Variants in TRIM63 observed in about 807,000 individuals in gnomAD.
TRIM63 encodes the protein tripartite motif containing 63, also known as E3 ubiquitin-protein ligase TRIM63.
TRIM63 carries 48 observed loss-of-function variants against 46.0 expected under a neutral mutation model. The observed-to-expected ratio is 1.04, with a 90% CI of 0.83 to 1.33. The LOEUF (loss-of-function observed/expected upper bound fraction) is 1.33, where lower values mean the gene tolerates loss of function less well. Ranked by LOEUF, TRIM63 falls within the 40% of genes most tolerant of loss-of-function variation. TRIM63 has a pLI of 0.00. For missense variants in TRIM63, 455 were observed against 441.2 expected (o/e 1.03, Z -0.28); for synonymous variants, 175 against 162.8 (o/e 1.08, Z -0.57).
intron 8 of TRIM63, 47 bp downstream of exon 8, chr1:26,053,846 T>C: frequency 7.1e-7 from 1 of 1,414,782 alleles, no homozygotes; most frequent in African/African-American, 1.4e-5. Context: ...CAGATTGTTG[T>C]GGAATGAATG....
chr1:26,057,965 A>C (rs1193648761), intron 5 of TRIM63, among the ~76,000 whole-genome samples: 1 of 152,180 alleles, frequency 6.6e-6, no homozygotes, highest in Non-Finnish European at 1.5e-5. Context: ...TCTAGCAAAA[A>C]GCCTGGCCCA....
At chr1:26,060,205 C>T (rs755111376) in intron 4 of TRIM63, 61 bp downstream of exon 4, 135 of 1,509,848 alleles carry the variant, frequency 8.9e-5, no homozygotes, top group Non-Finnish European at 1.1e-4. Context: ...GAGCCTTCCC[C>T]AGAGACCAGG....
chr1:26,056,678 C>T (rs12096733), intron 7 of TRIM63, among the ~76,000 whole-genome samples: 4,274 of 152,150 alleles, frequency 0.028, 164 homozygotes, highest in East Asian at 0.12. Context: ...GCCATGGATC[C>T]ATATGTAATT....
chr1:26,053,886 T>G lies in TRIM63; in HGVS notation c.1051+7A>C. 3 of 1,586,344 alleles carry G rather than the reference T, an allele frequency of 1.9e-6. No individual in the cohort carries two copies. Among genetic ancestry groups the G allele is most frequent in the Non-Finnish European group, 2.6e-6 (3 of 1,165,592 alleles). On this transcript the variant is annotated splice_region_variant and intron_variant, in intron 8 of 8. Coordinates refer to ENST00000374272, the MANE Select transcript of TRIM63 (RefSeq NM_032588.4). Reference sequence around the variant, plus strand: ...AACGAAGGAATGGAGGTAGATGAATTTCTTACCTTCTTCCTTCCCTTCTGT... The same window carrying G: ...AACGAAGGAATGGAGGTAGATGAATGTCTTACCTTCTTCCTTCCCTTCTGT...
intron 7 of TRIM63, among the ~76,000 whole-genome samples, chr1:26,055,869 A>G (rs892421957): frequency 1.3e-5 from 2 of 152,122 alleles, no homozygotes; most frequent in African/African-American, 4.8e-5. Flanking sequence ...TCACTACAGC[A>G]GTGGATGTCC....
chr1:26,055,471 G>A (rs2050562283), intron 7 of TRIM63, among the ~76,000 whole-genome samples: 1 of 151,126 alleles, frequency 6.6e-6, no homozygotes, highest in African/African-American at 2.4e-5. Context: ...ACAATGTTAT[G>A]TTCACACCGT....
intron 2 of TRIM63, among the ~76,000 whole-genome samples, chr1:26,064,759 G>T (rs1047766967): frequency 6.6e-6 from 1 of 152,156 alleles, no homozygotes. Context: ...AGCTCTAAAG[G>T]CTTACCCAGC....
intron 2 of TRIM63, 63 bp from the exon 3 acceptor site, chr1:26,061,397 C>T: frequency 1.2e-5 from 19 of 1,560,512 alleles, no homozygotes; most frequent in Non-Finnish European, 1.7e-5. Context: ...CTCCCCAGCT[C>T]CAATGCACCA....
intron 4 of TRIM63, among the ~76,000 whole-genome samples, chr1:26,059,292 G>C (rs1275427888): frequency 6.6e-6 from 1 of 152,136 alleles, no homozygotes; most frequent in Non-Finnish European, 1.5e-5. Context: ...AAAGTGCTGG[G>C]ATTATAGGCA....
Position 26,053,134 on chromosome 1 carries a change from C to T in TRIM63, c.1051+759G>A, listed in dbSNP as rs1311147263. On this transcript the variant is annotated intron_variant, in intron 8 of 8. Coordinates refer to ENST00000374272, the MANE Select transcript of TRIM63 (RefSeq NM_032588.4). ...AATTTTTAAATTATTTTTGTAAAGA[C>T]GAGGACTTGCTGTTGACCAGGCTGG... Among the ~76,000 whole-genome samples, 3 of 151,892 alleles carry T rather than the reference C, an allele frequency of 2.0e-5. No individual in the cohort carries two copies. In the East Asian group the frequency reaches 5.8e-4, roughly 29 times the overall value.
Position 26,053,879 on chromosome 1 carries a change from G to A in TRIM63, c.1051+14C>T. 6.3e-7 allele frequency: 1 copy of A among 1,578,870 alleles called. No individual in the cohort carries two copies. Among genetic ancestry groups the A allele is most frequent in the Non-Finnish European group, 8.6e-7 (1 of 1,156,828 alleles). ...ATGAAGGAACGAAGGAATGGAGGTAGATGAATTTCTTACCTTCTTCCTTCC... is the reference window on the plus strand; with the variant it reads ...ATGAAGGAACGAAGGAATGGAGGTAAATGAATTTCTTACCTTCTTCCTTCC... On this transcript the variant is annotated intron_variant, in intron 8 of 8. Coordinates refer to ENST00000374272, the MANE Select transcript of TRIM63 (RefSeq NM_032588.4).
At position 26,061,291 on chromosome 1, in the gene TRIM63, C is replaced by G; in HGVS notation, c.376G>C (p.Glu126Gln). ...KGSHPMCKEHEDEKINIYCLT... is the reference protein window; with the variant it reads ...KGSHPMCKEHQDEKINIYCLT... ...CAGTAGATGTTGATTTTCTCATCTT[C>G]GTGCTCCTTGCACATGGGGTGACTG... The change falls in exon 3 of 9, where the codon GAA (glutamate) becomes CAA (glutamine). Residue 126 changes from glutamate (E) to glutamine (Q), a missense_variant. By Grantham distance (29) the Glu-to-Gln change is conservative. Coordinates refer to ENST00000374272, the MANE Select transcript of TRIM63 (RefSeq NM_032588.4). 6.2e-7 allele frequency: 1 copy of G among 1,614,200 alleles called. No homozygotes were observed. The highest frequency in any genetic ancestry group is 2.2e-5 in the East Asian group (1 of 44,878).
At chr1:26,059,758 A>G (rs2050606035) in intron 4 of TRIM63, among the ~76,000 whole-genome samples, 1 of 152,130 alleles carries the variant, frequency 6.6e-6, no homozygotes. Flanking sequence ...TTCTGCCCTC[A>G]ACAGTCTCAC....
chr1:26,065,491 G>A (rs1412800362), intron 2 of TRIM63, among the ~76,000 whole-genome samples: 1 of 152,160 alleles, frequency 6.6e-6, no homozygotes, highest in East Asian at 1.9e-4. Context: ...AAACTTTGTA[G>A]AAACAGGGTC....
rs2050581677 is a variant in TRIM63, at chr1:26,057,265, T to A, written c.917A>T (p.Asp306Val). The A allele has an allele frequency of 6.2e-7, 1 of 1,613,956 alleles. No individual in the cohort carries two copies. Among genetic ancestry groups the A allele is most frequent in the African/African-American group, 1.3e-5 (1 of 74,870 alleles). The change falls in exon 7 of 9, where the codon GAC becomes GTC. Residue 306 changes from aspartate to valine, a missense_variant. Coordinates refer to ENST00000374272, the MANE Select transcript of TRIM63 (RefSeq NM_032588.4). ...GKTEQGFENM[D>V]FFTLDLEHIA... The stretch of plus-strand genomic sequence containing the variant: ...GTGCTCTAAATCCAAAGTAAAGAAG[T>A]CCATGTTCTCAAAGCCCTGCTCTGT...
chr1:26,065,948 G>T (rs568105831), intron 2 of TRIM63, among the ~76,000 whole-genome samples: 1 of 152,226 alleles, frequency 6.6e-6, no homozygotes, highest in Non-Finnish European at 1.5e-5. Flanking sequence ...TTCTCACCGG[G>T]CATTTTCTCT....
chr1:26,067,417 G>C lies in TRIM63; in HGVS notation c.78C>G (p.Cys26Trp), dbSNP rs200467938. The C allele has an allele frequency of 1.2e-6, 2 of 1,614,060 alleles. No individual in the cohort carries two copies. Among genetic ancestry groups the C allele is most frequent in the East Asian group, 4.5e-5 (2 of 44,880 alleles). The change falls in exon 1 of 9, where the codon TGC becomes TGG. Residue 26 changes from cysteine (C) to tryptophan (W), a missense_variant. Physicochemically the swap from Cys to Trp is radical, Grantham distance 215. Transcript: ENST00000374272. ...CCACTGGCTTGGTAAACATCTCCAG[G>C]CAGATAGGGCAGATCAGCTGCTTCT... ...NLEKQLICPI[C>W]LEMFTKPVVI...
Position 26,059,056 on chromosome 1 carries a change from G to A in TRIM63, c.598-433C>T, listed in dbSNP as rs1328956102. On this transcript the variant is annotated intron_variant, in intron 4 of 8. Coordinates refer to ENST00000374272, the MANE Select transcript of TRIM63 (RefSeq NM_032588.4). The stretch of plus-strand genomic sequence containing the variant: ...TTTTTTTTTTTTGAGATGGAGTCTC[G>A]CTCTGTTGCCCCCGCTGGAGTGCAG... Among the ~76,000 whole-genome samples the A allele has an allele frequency of 6.4e-5, 8 of 125,356 alleles. No homozygotes were observed. In the South Asian group the frequency reaches 7.3e-4, roughly 11 times the overall value. 82.2% of individuals were successfully genotyped at this position (125,356 alleles called of 152,430 possible).
intron 2 of TRIM63, among the ~76,000 whole-genome samples, chr1:26,061,643 A>G (rs377506068): frequency 1.6e-4 from 25 of 152,366 alleles, no homozygotes; most frequent in South Asian, 4.1e-4. Context: ...AGAAAGGGCC[A>G]TAGAATTCCA....
Sources: gnomAD v4.1 joint callset for allele counts (sites outside exome capture counted in the v4.1 genomes callset) on GRCh38, gnomAD v4.1.1 for gene constraint, MANE v1.5 for transcripts, NCBI Gene and HGNC (gene_info 2026-07-23, HGNC 2026-07-21) for gene names.